PARD3: variants seen among roughly 807,000 people sequenced by gnomAD.
The protein encoded by PARD3 is partitioning defective 3 homolog.
In PARD3, 75 loss-of-function variants were observed where a neutral mutation model predicts 155.4. That is an observed-to-expected ratio of 0.48 (90% CI 0.40 to 0.58). The LOEUF (loss-of-function observed/expected upper bound fraction) is 0.58. Ranked by LOEUF, PARD3 falls within the 20% of genes least tolerant of loss-of-function variation. The probability of loss-of-function intolerance (pLI) is 0.00; values close to 1 mark genes in which losing one functional copy is unlikely to be tolerated. For synonymous variants in PARD3, 576 were observed against 610.5 expected (o/e 0.94, Z 0.83); for missense variants, 1,642 against 1,721.7 (o/e 0.95, Z 0.82).
intron 19 of PARD3, among the ~76,000 whole-genome samples, chr10:34,328,943 G>T (rs1193928253): frequency 1.3e-5 from 2 of 152,202 alleles, no homozygotes; most frequent in African/African-American, 4.8e-5. Flanking sequence ...TTTGGTGGTT[G>T]TAGGTGCAGC....
intron 1 of PARD3, among the ~76,000 whole-genome samples, chr10:34,703,394 A>G (rs116429147): frequency 7.5e-4 from 114 of 152,076 alleles, no homozygotes; most frequent in African/African-American, 2.6e-3. Context: ...AAAAAAAACT[A>G]AACAAAATAC....
intron 20 of PARD3, among the ~76,000 whole-genome samples, chr10:34,296,774 C>T (rs1956931647): frequency 6.6e-6 from 1 of 152,092 alleles, no homozygotes; most frequent in African/African-American, 2.4e-5. Flanking sequence ...TCCCAGAAGA[C>T]AAGATCTAAC....
chr10:34,220,685 C>T (rs1338661493), intron 22 of PARD3, among the ~76,000 whole-genome samples: 2 of 152,204 alleles, frequency 1.3e-5, no homozygotes, highest in Admixed American at 6.5e-5. Flanking sequence ...GGGGTGATGG[C>T]ACCTTCTGCT....
At chr10:34,773,609 C>T (rs529214973) in intron 1 of PARD3, among the ~76,000 whole-genome samples, 5 of 152,328 alleles carry the variant, frequency 3.3e-5, no homozygotes, top group Admixed American at 2.0e-4. Flanking sequence ...GCCACTGTGA[C>T]TTTGCAGCGT....
intron 22 of PARD3, among the ~76,000 whole-genome samples, chr10:34,179,166 G>GCACA (rs150884195): frequency 5.3e-5 from 7 of 131,286 alleles, no homozygotes; most frequent in Non-Finnish European, 1.1e-4. Flanking sequence ...ATGTGCGTGC[G>GCACA]CGCACACACA....
intron 3 of PARD3, among the ~76,000 whole-genome samples, chr10:34,481,495 T>TC (rs1261956185): frequency 6.6e-6 from 1 of 152,154 alleles, no homozygotes; most frequent in East Asian, 1.9e-4. Flanking sequence ...AAACGTGGTA[T>TC]CCCCAGGTCC....
At position 34,344,146 on chromosome 10, in the gene PARD3, A is replaced by G. The variant is rs532090409; in HGVS notation, c.2219-2330T>C. The G allele has an allele frequency of 2.6e-5, 26 of 982,862 alleles. No homozygotes were observed. In the South Asian group the frequency reaches 1.1e-3, roughly 41 times the overall value. 60.9% of individuals were successfully genotyped at this position (982,862 alleles called of 1,614,324 possible). A position where few individuals can be genotyped will look rare whatever the true frequency, so the allele number is the denominator to read the frequency against. On this transcript the variant is annotated intron_variant, in intron 15 of 24. Coordinates refer to ENST00000374788, the MANE Select transcript of PARD3 (RefSeq NM_001184785.2). ...TAAAAAGAAAAATTATTCAGCTAAA[A>G]AAGTTGAGAAATAGTTAAAGTCCCA...
intron 2 of PARD3, among the ~76,000 whole-genome samples, chr10:34,571,535 T>C (rs1268954755): frequency 6.6e-6 from 1 of 152,188 alleles, no homozygotes; most frequent in African/African-American, 2.4e-5. Flanking sequence ...AATCAGATAC[T>C]ATAAAACATA....
At chr10:34,322,225 A>T (rs1289231134) in intron 19 of PARD3, among the ~76,000 whole-genome samples, 1 of 152,168 alleles carries the variant, frequency 6.6e-6, no homozygotes, top group Non-Finnish European at 1.5e-5. Context: ...CCCTTCTGTT[A>T]GACAGCAATA....
At chr10:34,611,665 C>A (rs867592917) in intron 2 of PARD3, among the ~76,000 whole-genome samples, 13 of 152,152 alleles carry the variant, frequency 8.5e-5, no homozygotes, top group Middle Eastern at 6.8e-3. Flanking sequence ...GGATCTTGAA[C>A]CAACCACAAA....
At chr10:34,304,661 A>T (rs974809309) in intron 20 of PARD3, among the ~76,000 whole-genome samples, 1 of 152,160 alleles carries the variant, frequency 6.6e-6, no homozygotes, top group African/African-American at 2.4e-5. Context: ...TCTACCACCA[A>T]TTACCTTGTG....
At chr10:34,369,327 T>G (rs538199793) in intron 12 of PARD3, among the ~76,000 whole-genome samples, 3,567 of 151,316 alleles carry the variant, frequency 0.024, 129 homozygotes, top group African/African-American at 0.083. Flanking sequence ...TTTATTTATT[T>G]ATTTATTTAT....
chr10:34,702,881 G>A (rs1397806117), intron 1 of PARD3, among the ~76,000 whole-genome samples: 1 of 152,076 alleles, frequency 6.6e-6, no homozygotes, highest in African/African-American at 2.4e-5. Flanking sequence ...CCCCAAGGAT[G>A]GAAGAGAGAA....
intron 2 of PARD3, among the ~76,000 whole-genome samples, chr10:34,611,383 T>C (rs1399153930): frequency 6.6e-6 from 1 of 152,170 alleles, no homozygotes; most frequent in Non-Finnish European, 1.5e-5. Context: ...TGGTTAGGCA[T>C]TACCTAACCA....
intron 20 of PARD3, among the ~76,000 whole-genome samples, chr10:34,315,218 A>G (rs1476611826): frequency 6.6e-6 from 1 of 152,178 alleles, no homozygotes; most frequent in Non-Finnish European, 1.5e-5. Flanking sequence ...TAGAAAAAAG[A>G]GAGTTGTGTG....
chr10:34,162,392 C>G (rs1177232028), intron 22 of PARD3, among the ~76,000 whole-genome samples: 1 of 152,178 alleles, frequency 6.6e-6, no homozygotes, highest in Non-Finnish European at 1.5e-5. Flanking sequence ...AAATTCTATT[C>G]CACTCACTCT....
chr10:34,483,734 G>C (rs1022762240), intron 3 of PARD3, among the ~76,000 whole-genome samples: 12 of 152,078 alleles, frequency 7.9e-5, no homozygotes, highest in African/African-American at 2.7e-4. Context: ...GTTGATTCTA[G>C]TTTTGCACAA....
chr10:34,137,749 C>T (rs1301501869), intron 22 of PARD3, among the ~76,000 whole-genome samples: 1 of 152,146 alleles, frequency 6.6e-6, no homozygotes, highest in Non-Finnish European at 1.5e-5. Context: ...GAATATGAAT[C>T]CAACCTGCAG....
At chr10:34,632,466 G>A (rs1396152839) in intron 2 of PARD3, among the ~76,000 whole-genome samples, 1 of 152,168 alleles carries the variant, frequency 6.6e-6, no homozygotes, top group Admixed American at 6.5e-5. Flanking sequence ...TAGGACAAAG[G>A]AATTAACTTT....
Sources: allele counts gnomAD v4.1 joint callset (sites outside exome capture counted in the v4.1 genomes callset), GRCh38; gene constraint gnomAD v4.1.1; transcripts MANE v1.5; gene names NCBI Gene and HGNC (gene_info 2026-07-23, HGNC 2026-07-21).